The following NRG1 variants were observed in gnomAD, a reference collection of about 807,000 sequenced individuals.
NRG1 encodes the protein neuregulin 1.
NRG1 carries 18 observed loss-of-function variants against 63.8 expected under a neutral mutation model. The observed-to-expected ratio is 0.28, with a 90% confidence interval of 0.19 to 0.42. The LOEUF (loss-of-function observed/expected upper bound fraction) is 0.42, where lower values mean the gene tolerates loss of function less well. Among genes scored for constraint, NRG1 ranks in the 10% least tolerant of loss-of-function variants. The probability of loss-of-function intolerance (pLI) is 1.00; values close to 1 mark genes in which losing one functional copy is unlikely to be tolerated. For missense variants in NRG1, 762 were observed against 814.7 expected (o/e 0.94, Z 0.79); for synonymous variants, 302 against 301.3 (o/e 1.00, Z -0.02).
At chr8:31,754,383 T>C (rs1012157987) in intron 1 of NRG1, among the ~76,000 whole-genome samples, 1 of 152,096 alleles carries the variant, frequency 6.6e-6, no homozygotes, top group Admixed American at 6.6e-5. Context: ...AAGCGTGTGA[T>C]GCTTCGCCCC....
At chr8:32,453,420 C>A (rs958053746) in intron 1 of NRG1, among the ~76,000 whole-genome samples, 4 of 152,072 alleles carry the variant, frequency 2.6e-5, no homozygotes, top group Non-Finnish European at 5.9e-5. Flanking sequence ...AGTAAATCAC[C>A]GTATAAGGGG....
chr8:32,349,961 C>T (rs1324715182), intron 1 of NRG1, among the ~76,000 whole-genome samples: 3 of 152,188 alleles, frequency 2.0e-5, no homozygotes, highest in Non-Finnish European at 4.4e-5. Context: ...TCCTTTTCTG[C>T]AGAAGTGTAC....
intron 1 of NRG1, among the ~76,000 whole-genome samples, chr8:32,181,757 C>T (rs1841450356): frequency 1.3e-5 from 2 of 151,970 alleles, no homozygotes; most frequent in Non-Finnish European, 2.9e-5. Flanking sequence ...TATAAACATA[C>T]AAACAACAAT....
At chr8:31,651,814 G>A (rs1585408770) in intron 1 of NRG1, among the ~76,000 whole-genome samples, 2 of 151,880 alleles carry the variant, frequency 1.3e-5, no homozygotes, top group Non-Finnish European at 2.9e-5. Flanking sequence ...TAACGTCTCC[G>A]ACCCCTGGTG....
chr8:32,207,980 G>A (rs748490980), intron 1 of NRG1, among the ~76,000 whole-genome samples: 11 of 152,180 alleles, frequency 7.2e-5, no homozygotes, highest in Non-Finnish European at 1.6e-4. Flanking sequence ...AGGGATGAGA[G>A]TTGACCTAAT....
At chr8:32,604,160 G>A (rs1302194795) in intron 2 of NRG1, among the ~76,000 whole-genome samples, 2 of 152,198 alleles carry the variant, frequency 1.3e-5, no homozygotes, top group East Asian at 1.9e-4. Context: ...TGACCAGGAG[G>A]GGCTTGGTGA....
At chr8:32,173,240 A>G (rs1840280978) in intron 1 of NRG1, among the ~76,000 whole-genome samples, 1 of 152,162 alleles carries the variant, frequency 6.6e-6, no homozygotes, top group Non-Finnish European at 1.5e-5. Flanking sequence ...CAGCCAAACT[A>G]AGCTTCATAA....
In NRG1 at chr8:31,678,893, T is replaced by G. The variant is rs529566137; in HGVS notation, c.37+39462T>G. On this transcript the variant is annotated intron_variant, in intron 1 of 10. Transcript: ENST00000519301. ...TGGTAGTACTGGTGGTTATAATGTT[T>G]TTAACTGTCTTTCTTATTCACTGAA... Among the ~76,000 whole-genome samples, 9 of 151,566 alleles carry G rather than the reference T, an allele frequency of 5.9e-5. No homozygotes were observed. In the South Asian group the frequency reaches 1.0e-3, roughly 17 times the overall value.
At chr8:31,709,329 A>T (rs1266934979) in intron 1 of NRG1, among the ~76,000 whole-genome samples, 1 of 152,062 alleles carries the variant, frequency 6.6e-6, no homozygotes, top group Non-Finnish European at 1.5e-5. Flanking sequence ...TTTCCCTGGA[A>T]TAAGTCACAT....
At chr8:31,721,691 A>T (rs1450571256) in intron 1 of NRG1, among the ~76,000 whole-genome samples, 1 of 151,924 alleles carries the variant, frequency 6.6e-6, no homozygotes, top group African/African-American at 2.4e-5. Flanking sequence ...CCTTCTTCTT[A>T]CTTTTGCCAG....
At chr8:32,352,961 T>G (rs118008210) in intron 1 of NRG1, among the ~76,000 whole-genome samples, 22,961 of 148,010 alleles carry the variant, frequency 0.16, 1,869 homozygotes, top group Middle Eastern at 0.19. Flanking sequence ...TATATATATA[T>G]ACAGAGAGAG....
At chr8:32,568,709 T>A (rs1837938914) in intron 1 of NRG1, among the ~76,000 whole-genome samples, 1 of 152,170 alleles carries the variant, frequency 6.6e-6, no homozygotes, top group Admixed American at 6.5e-5. Flanking sequence ...AGTTTTAGGA[T>A]CATGCCTGCA....
chr8:32,240,851 A>T (rs1481732), intron 1 of NRG1, among the ~76,000 whole-genome samples: 113,369 of 151,948 alleles, frequency 0.75, 43,377 homozygotes, highest in African/African-American at 0.91. Context: ...AGATTTAATC[A>T]ATTATATGAG....
At chr8:31,880,203 A>C (rs531767695) in intron 1 of NRG1, among the ~76,000 whole-genome samples, 2 of 152,196 alleles carry the variant, frequency 1.3e-5, no homozygotes, top group African/African-American at 4.8e-5. Flanking sequence ...AGTCAAATGT[A>C]TTCATGACAT....
chr8:31,957,426 A>G (rs929432082), intron 1 of NRG1, among the ~76,000 whole-genome samples: 1 of 152,102 alleles, frequency 6.6e-6, no homozygotes, highest in African/African-American at 2.4e-5. Context: ...AGTGGATTTT[A>G]TGTTGCCTAT....
chr8:32,035,920 G>T (rs1818979399), intron 1 of NRG1, among the ~76,000 whole-genome samples: 1 of 152,104 alleles, frequency 6.6e-6, no homozygotes, highest in African/African-American at 2.4e-5. Context: ...GGGGCATTTA[G>T]CCCATTTACA....
intron 1 of NRG1, among the ~76,000 whole-genome samples, chr8:32,095,937 T>C (rs539502243): frequency 6.6e-6 from 1 of 152,174 alleles, no homozygotes; most frequent in Non-Finnish European, 1.5e-5. Flanking sequence ...GCTGAGGCTA[T>C]GTAGTTTGAA....
chr8:31,914,845 T>C (rs976256771), intron 1 of NRG1, among the ~76,000 whole-genome samples: 1 of 152,066 alleles, frequency 6.6e-6, no homozygotes, highest in Non-Finnish European at 1.5e-5. Context: ...AACTGAAACC[T>C]GGAAGAATTA....
rs555527260 is a variant in NRG1 at position 32,725,072 on chromosome 8, G to A, written c.503-2877G>A. Among the ~76,000 whole-genome samples the A allele has an allele frequency of 1.6e-3, 246 of 152,294 alleles. 1 individual carries two copies. The highest frequency in any genetic ancestry group is 5.8e-3 in the African/African-American group (240 of 41,560). On this transcript the variant is annotated intron_variant, in intron 5 of 11. Coordinates refer to ENST00000356819, the Ensembl canonical transcript of NRG1. Reference sequence around the variant, plus strand: ...TAAAATCAGAGTCTAAGGAAGAGATGTGTCTATGTGTTGCTTATGTCACTG... The same window carrying A: ...TAAAATCAGAGTCTAAGGAAGAGATATGTCTATGTGTTGCTTATGTCACTG...
Sources: allele counts gnomAD v4.1 joint callset (sites outside exome capture counted in the v4.1 genomes callset), GRCh38; gene constraint gnomAD v4.1.1; transcripts MANE v1.5; gene names NCBI Gene and HGNC (gene_info 2026-07-23, HGNC 2026-07-21).